The following RMDN1 variants were observed in gnomAD, a reference collection of about 807,000 sequenced individuals.
RMDN1 encodes the protein regulator of microtubule dynamics 1.
A neutral mutation model predicts 48.9 loss-of-function variants in RMDN1; 48 were observed. The observed-to-expected ratio is 0.98, with a 90% CI of 0.78 to 1.25. The LOEUF (loss-of-function observed/expected upper bound fraction) is 1.25. RMDN1 is among the 50% of genes most tolerant of loss of function. RMDN1 has a pLI of 0.00. For missense variants in RMDN1, 418 were observed against 373.4 expected (o/e 1.12, Z -0.98); for synonymous variants, 148 against 132.6 (o/e 1.12, Z -0.80).
At chr8:86,494,998 T>C (rs1468664397) in intron 2 of RMDN1, 2 of 384,484 alleles carry the variant, frequency 5.2e-6, no homozygotes, top group African/African-American at 2.1e-5. Flanking sequence ...AACAAATATG[T>C]AGTAACTTTT....
chr8:86,503,371 C>CAAAAAAAAAAAAAAAAAAA (rs1182231210), intron 2 of RMDN1, among the ~76,000 whole-genome samples: 1 of 68,002 alleles, frequency 1.5e-5, no homozygotes, highest in Non-Finnish European at 2.5e-5. Context: ...CAAAACAAAA[C>CAAAAAAAAAAAAAAAAAAA]AAAAAAAAAA....
At chr8:86,505,622 T>C (rs943225452) in intron 2 of RMDN1, among the ~76,000 whole-genome samples, 3 of 152,230 alleles carry the variant, frequency 2.0e-5, no homozygotes, top group Non-Finnish European at 2.9e-5. Flanking sequence ...TACATAGGTA[T>C]ACATGTCCCA....
downstream of RMDN1, chr8:86,468,737 G>C (rs186053373): frequency 1.4e-3 from 642 of 455,954 alleles, 2 homozygotes; most frequent in Middle Eastern, 3.6e-3. Flanking sequence ...CTTTGTTTTG[G>C]AGAATTCATC....
At chr8:86,468,542 A>G, downstream of RMDN1, 1 of 417,812 alleles carries the variant, frequency 2.4e-6, no homozygotes, top group South Asian at 1.8e-5. Flanking sequence ...TACAAATGGT[A>G]CCACTGCTGT....
intron 2 of RMDN1, among the ~76,000 whole-genome samples, chr8:86,490,357 C>T (rs1232758649): frequency 6.6e-6 from 1 of 151,968 alleles, no homozygotes; most frequent in Admixed American, 6.6e-5. Context: ...CAGGTAGGCC[C>T]AATATAATTA....
chr8:86,480,385 T>A, intron 5 of RMDN1, 53 bp from the exon 6 acceptor site: 1 of 983,866 alleles, frequency 1.0e-6, no homozygotes, highest in Non-Finnish European at 1.5e-6. Context: ...CACCAATAAG[T>A]GCTTTACTGT....
At chr8:86,488,104 T>C (rs532993120) in intron 3 of RMDN1, among the ~76,000 whole-genome samples, 25 of 152,302 alleles carry the variant, frequency 1.6e-4, no homozygotes, top group African/African-American at 6.0e-4. Flanking sequence ...GGGGGTATTT[T>C]TGGTTTCTCT....
At chr8:86,485,834 GAA>G (rs559344932) in intron 4 of RMDN1, among the ~76,000 whole-genome samples, 314 of 152,264 alleles carry the variant, frequency 2.1e-3, no homozygotes, top group African/African-American at 7.2e-3. Flanking sequence ...TGTCTGCAAT[GAA>G]AAAGATTTTC....
At chr8:86,499,746 C>CAA (rs1475728992) in intron 2 of RMDN1, among the ~76,000 whole-genome samples, 7 of 152,102 alleles carry the variant, frequency 4.6e-5, no homozygotes, top group Non-Finnish European at 1.0e-4. Context: ...CGATCCTAAG[C>CAA]AAAAATAACA....
chr8:86,504,038 T>A, intron 2 of RMDN1: 2 of 805,888 alleles, frequency 2.5e-6, no homozygotes, highest in South Asian at 2.7e-5. Context: ...CAGGGTACCT[T>A]TGGCACTCTC....
rs542601790 is a variant in RMDN1 at position 86,494,551 on chromosome 8, G to C, written c.248-5912C>G. On this transcript the variant is annotated intron_variant, in intron 2 of 9. Coordinates refer to ENST00000406452, the MANE Select transcript of RMDN1 (RefSeq NM_016033.3). ...AGCCTGGGTGACAGAGCGAGACTCT[G>C]TCTCAAAAAACAAAAGCTTCTTGAA... is the stretch of plus-strand genomic sequence containing the variant. Among the ~76,000 whole-genome samples the C allele has an allele frequency of 7.9e-5, 12 of 152,280 alleles. 1 individual carries two copies. Among genetic ancestry groups the C allele is most frequent in the Admixed American group, 5.2e-4 (8 of 15,296 alleles).
chr8:86,475,222 T>C lies in RMDN1; in HGVS notation c.761-269A>G, dbSNP rs557605949. Among the ~76,000 whole-genome samples the C allele has an allele frequency of 3.2e-4, 49 of 152,320 alleles. No homozygotes were observed. In the South Asian group the frequency reaches 9.7e-3, roughly 30 times the overall value. On this transcript the variant is annotated intron_variant, in intron 8 of 9. Transcript: ENST00000406452. ...TTTGTAAGTAGGTATCTCCATTTTA[T>C]AGATGAGAAGCTGAAGCTCCCGATA...
intron 2 of RMDN1, among the ~76,000 whole-genome samples, chr8:86,490,259 T>C (rs1317269392): frequency 2.0e-5 from 3 of 152,202 alleles, no homozygotes; most frequent in Non-Finnish European, 2.9e-5. Flanking sequence ...GGAATCTGAA[T>C]GTTTGGTTAC....
chr8:86,482,712 G>T, intron 5 of RMDN1: 1 of 997,578 alleles, frequency 1.0e-6, no homozygotes, highest in Non-Finnish European at 1.6e-6. Flanking sequence ...CAGCTTTGGT[G>T]TCGGTTCCAT....
At chr8:86,484,053 T>C (rs1815035305) in intron 5 of RMDN1, among the ~76,000 whole-genome samples, 1 of 152,212 alleles carries the variant, frequency 6.6e-6, no homozygotes. Context: ...TGGACCACGC[T>C]TTCCATATTC....
Position 86,508,668 on chromosome 8 carries a change from A to AGGC in RMDN1, c.-51_-49dup, listed in dbSNP as rs1819834936. 1 of 1,538,520 alleles carries AGGC rather than the reference A, an allele frequency of 6.5e-7. No homozygotes were observed. The highest frequency in any genetic ancestry group is 8.7e-7 in the Non-Finnish European group (1 of 1,144,156). The stretch of plus-strand genomic sequence containing the variant: ...CCTGCACTACTTCAGGCAGCTACGG[A>AGGC]GGCGGGCGGGGCTAAAGGAGATTCA... On this transcript the variant is annotated 5_prime_UTR_variant, in exon 1 of 10. Transcript: ENST00000406452.
At chr8:86,508,158 G>T (rs1262306813) in intron 1 of RMDN1, 2 of 268,326 alleles carry the variant, frequency 7.5e-6, no homozygotes, top group Non-Finnish European at 1.4e-5. Context: ...AAGCGCTGTT[G>T]TATCTGTCAT....
At chr8:86,489,127 C>T (rs779026867) in intron 2 of RMDN1, among the ~76,000 whole-genome samples, 5 of 152,172 alleles carry the variant, frequency 3.3e-5, no homozygotes, top group African/African-American at 9.7e-5. Flanking sequence ...AAGTCATCTA[C>T]TTAAACAGCA....
At chr8:86,480,104 G>GT (rs1036068199) in intron 6 of RMDN1, among the ~76,000 whole-genome samples, 173 bp downstream of exon 6, 2 of 151,932 alleles carry the variant, frequency 1.3e-5, no homozygotes, top group Non-Finnish European at 2.9e-5. Flanking sequence ...ATCAAATTTA[G>GT]TATGTTCTAA....
Sources: allele counts gnomAD v4.1 joint callset (sites outside exome capture counted in the v4.1 genomes callset), GRCh38; gene constraint gnomAD v4.1.1; transcripts MANE v1.5; gene names NCBI Gene and HGNC (gene_info 2026-07-23, HGNC 2026-07-21).